Variants in ZNF443 observed in about 807,000 individuals in gnomAD.
ZNF443 encodes the protein zinc finger protein 443, also known as Kruppel-type zinc finger (C2H2).
In ZNF443, 3 loss-of-function variants were observed where a neutral mutation model predicts 12.0. The observed-to-expected ratio is 0.25, with a 90% CI of 0.11 to 0.64. ZNF443 has a LOEUF of 0.64. Ranked by LOEUF, ZNF443 falls within the 30% of genes least tolerant of loss-of-function variation. ZNF443 has a pLI of 0.84. For synonymous variants in ZNF443, 225 were observed against 265.9 expected, an observed-to-expected ratio of 0.85 and a Z score of 1.50; for missense variants, 770 against 808.8, an observed-to-expected ratio of 0.95 and a Z score of 0.58.
chr19:12,432,607 T>C (rs1353945031), intron 2 of ZNF443, among the ~76,000 whole-genome samples, 170 bp from the exon 3 acceptor site: 1 of 141,246 alleles, frequency 7.1e-6, no homozygotes, highest in African/African-American at 2.8e-5. Context: ...CATATATATA[T>C]GAATGTTCTT....
chr19:12,437,704 T>C (rs1046949092), intron 1 of ZNF443, among the ~76,000 whole-genome samples: 2 of 152,180 alleles, frequency 1.3e-5, no homozygotes, highest in African/African-American at 4.8e-5. Context: ...AAAACTATTT[T>C]TTTTATTCTC....
At position 12,430,328 on chromosome 19, in the gene ZNF443, G is replaced by C; in HGVS notation, c.1844C>G (p.Pro615Arg). 1 of 1,613,448 alleles carries C rather than the reference G, an allele frequency of 6.2e-7. No individual in the cohort carries two copies. The highest frequency in any genetic ancestry group is 8.5e-7 in the Non-Finnish European group (1 of 1,179,802). The change falls in exon 4 of 4, where the codon CCG (proline) becomes CGG (arginine). Residue 615 changes from proline (P) to arginine (R), a missense_variant. Around this residue, in one of 3 missense-constraint regions of ZNF443, gnomAD observed 736 missense variants for 689.4 expected, o/e 1.07. Transcript: ENST00000301547. ...TTTCCCACATTCCTTACATTCATAC[G>C]GGTTCTCTCCAGTATGAGTTTTTTC... is the stretch of plus-strand genomic sequence containing the variant. ...GHEKTHTGEN[P>R]YECKECGKAF...
chr19:12,430,655 C>T lies in ZNF443; in HGVS notation c.1517G>A (p.Cys506Tyr). 1.9e-6 allele frequency: 3 copies of T among 1,614,106 alleles called. No individual in the cohort carries two copies. Among genetic ancestry groups the T allele is most frequent in the Non-Finnish European group, 1.7e-6 (2 of 1,179,976 alleles). ...ACTGAATGCTTTCCCACATTCCTTA[C>T]ACTCATATGGCTTCTCTCCAGTGTG... ...TTHTGEKPYE[C>Y]KECGKAFSRF... is the part of the protein sequence containing the mutation. Residue 506 changes from cysteine to tyrosine, a missense_variant, in exon 4 of 4, where the codon TGT becomes TAT. Cys to Tyr is a radical substitution (Grantham distance 194). Coordinates refer to ENST00000301547, the MANE Select transcript of ZNF443 (RefSeq NM_005815.5).
At chr19:12,437,037 GA>G in intron 1 of ZNF443, among the ~76,000 whole-genome samples, 1 of 151,536 alleles carries the variant, frequency 6.6e-6, no homozygotes, top group East Asian at 1.9e-4. Flanking sequence ...ACTTAAAACT[GA>G]AGGTCCATTT....
intron 1 of ZNF443, 42 bp from the exon 2 acceptor site, chr19:12,433,239 A>C: frequency 1.3e-6 from 2 of 1,561,678 alleles, no homozygotes; most frequent in Admixed American, 2.0e-5. Context: ...GGTGAAAATC[A>C]CAGTACTGAG....
At chr19:12,435,785 C>A (rs570190333) in intron 1 of ZNF443, among the ~76,000 whole-genome samples, 3 of 151,646 alleles carry the variant, frequency 2.0e-5, no homozygotes, top group South Asian at 2.1e-4. Flanking sequence ...CACTAAAGAA[C>A]AGAGATGTCA....
chr19:12,430,616 A>C lies in ZNF443; in HGVS notation c.1556T>G (p.Leu519Arg). The C allele has an allele frequency of 6.2e-7, 1 of 1,613,940 alleles. No homozygotes were observed. The highest frequency in any genetic ancestry group is 8.5e-7 in the Non-Finnish European group (1 of 1,179,932). Residue 519 changes from leucine (L) to arginine (R), a missense_variant, in exon 4 of 4, where the codon CTT becomes CGT. Transcript: ENST00000301547. ...TGTGTGAGTCCTTTTATGTCGAGAA[A>C]GGTATCTGAAACGACTGAATGCTTT... ...CGKAFSRFRY[L>R]SRHKRTHTGE...
At chr19:12,435,311 C>G (rs911508949) in intron 1 of ZNF443, among the ~76,000 whole-genome samples, 1 of 151,990 alleles carries the variant, frequency 6.6e-6, no homozygotes, top group Non-Finnish European at 1.5e-5. Context: ...CAATATAACA[C>G]GATCAGGGTC....
In ZNF443 at chr19:12,431,064, A is replaced by G. The variant is rs768039936; in HGVS notation, c.1108T>C (p.Cys370Arg). The change falls in exon 4 of 4, where the codon TGT becomes CGT. Residue 370 changes from cysteine to arginine, a missense_variant. Transcript: ENST00000301547. The stretch of plus-strand genomic sequence containing the variant: ...CTAGGACAATCAAAGCCTTTCCCAC[A>G]TATCTTACATTTATGAGGTCCATTT... ...TGNGPHKCKI[C>R]GKGFDCPSSL... 1 of 1,614,070 alleles carries G rather than the reference A, an allele frequency of 6.2e-7. No individual in the cohort carries two copies. The highest frequency in any genetic ancestry group is 8.5e-7 in the Non-Finnish European group (1 of 1,179,974).
At chr19:12,436,367 C>A (rs574010406) in intron 1 of ZNF443, among the ~76,000 whole-genome samples, 12 of 150,608 alleles carry the variant, frequency 8.0e-5, no homozygotes, top group Admixed American at 2.7e-4. Context: ...GTAATCCCAG[C>A]TACTTGGGAG....
chr19:12,437,705 T>A (rs879921045), intron 1 of ZNF443, among the ~76,000 whole-genome samples: 49 of 152,200 alleles, frequency 3.2e-4, no homozygotes, highest in Non-Finnish European at 4.7e-4. Context: ...AAACTATTTT[T>A]TTTATTCTCT....
chr19:12,430,408 A>G lies in ZNF443; in HGVS notation c.1764T>C (p.Tyr588=), dbSNP rs751706686. 3.2e-6 allele frequency: 5 copies of G among 1,573,736 alleles called. No individual in the cohort carries two copies. Among genetic ancestry groups the G allele is most frequent in the Admixed American group, 1.8e-5 (1 of 56,118 alleles). Residue 588 remains tyrosine, a synonymous_variant, in exon 4 of 4, where the codon TAT becomes TAC. Transcript: ENST00000301547. ...AGGCTTTACCACATTGTGGACATTC[A>G]TAGGATTTCTCTCTCATGTGAATTC... ...HERIHMREKS[Y]ECPQCGKAFT...
Position 12,430,732 on chromosome 19 carries a change from T to G in ZNF443, c.1440A>C (p.Lys480Asn), listed in dbSNP as rs780258149. The G allele has an allele frequency of 9.9e-6, 16 of 1,613,084 alleles. No homozygotes were observed. Among genetic ancestry groups the G allele is most frequent in the Non-Finnish European group, 1.2e-5 (14 of 1,179,392 alleles). The change falls in exon 4 of 4, where the codon AAA (lysine) becomes AAC (asparagine). Residue 480 changes from lysine to asparagine, a missense_variant. Around this residue, in one of 3 missense-constraint regions of ZNF443, gnomAD observed 736 missense variants for 689.4 expected, o/e 1.07. Transcript: ENST00000301547. ...AGAAATCAATACAGGCTTTCCCAAG[T>G]TTGCATTTATAGGGTTTCTCTCCAG... ...THTGEKPYKCKLGKACIDFCS... is the reference protein window; with the variant it reads ...THTGEKPYKCNLGKACIDFCS...
Position 12,431,325 on chromosome 19 carries a change from A to G in ZNF443, c.847T>C (p.Cys283Arg), listed in dbSNP as rs1970251064. The G allele has an allele frequency of 8.7e-6, 14 of 1,614,172 alleles. No individual in the cohort carries two copies. Among genetic ancestry groups the G allele is most frequent in the Non-Finnish European group, 1.2e-5 (14 of 1,179,996 alleles). ...RTHTGEKPYKCKQCSKAFPDS... is the reference protein window; with the variant it reads ...RTHTGEKPYKRKQCSKAFPDS... ...GGGAAGGCTTTAGAACACTGCTTAC[A>G]TTTATATGGTTTCTCCCCAGTATGT... Residue 283 changes from cysteine to arginine, a missense_variant, in exon 4 of 4, where the codon TGT becomes CGT. Transcript: ENST00000301547.
chr19:12,430,608 G>T lies in ZNF443; in HGVS notation c.1564C>A (p.His522Asn), dbSNP rs745456825. The T allele has an allele frequency of 6.2e-7, 1 of 1,613,808 alleles. No individual in the cohort carries two copies. Among genetic ancestry groups the T allele is most frequent in the Non-Finnish European group, 8.5e-7 (1 of 1,179,910 alleles). ...AFSRFRYLSRHKRTHTGEKPY... is the reference protein window; with the variant it reads ...AFSRFRYLSRNKRTHTGEKPY... ...TTCTCTCCTGTGTGAGTCCTTTTAT[G>T]TCGAGAAAGGTATCTGAAACGACTG... The change falls in exon 4 of 4, where the codon CAT becomes AAT. Residue 522 changes from histidine to asparagine, a missense_variant. By Grantham distance (68) the His-to-Asn change is moderately conservative (BLOSUM62 1). Transcript: ENST00000301547.
At chr19:12,438,103 A>G (rs1970332097) in intron 1 of ZNF443, among the ~76,000 whole-genome samples, 2 of 152,202 alleles carry the variant, frequency 1.3e-5, no homozygotes, top group South Asian at 4.1e-4. Flanking sequence ...TCTCAAAAAA[A>G]AAAAAAAAAA....
intron 1 of ZNF443, among the ~76,000 whole-genome samples, chr19:12,435,347 T>C (rs1970298296): frequency 6.6e-6 from 1 of 151,950 alleles, no homozygotes; most frequent in Admixed American, 6.6e-5. Flanking sequence ...TGCATGAAAA[T>C]GTTGCAAAAT....
chr19:12,434,172 T>A (rs1970285768), intron 1 of ZNF443, among the ~76,000 whole-genome samples: 3 of 152,290 alleles, frequency 2.0e-5, no homozygotes, highest in Middle Eastern at 3.4e-3. Context: ...TGTTATGAAT[T>A]ACAAGAAACA....
intron 2 of ZNF443, among the ~76,000 whole-genome samples, chr19:12,432,708 G>A (rs1970270184): frequency 7.2e-6 from 1 of 139,302 alleles, no homozygotes; most frequent in Admixed American, 7.2e-5. Flanking sequence ...CCTTTCCGAG[G>A]ATGCACTTCC....
Sources: allele counts gnomAD v4.1 joint callset (sites outside exome capture counted in the v4.1 genomes callset), GRCh38; gene constraint gnomAD v4.1.1; regional missense constraint gnomAD v4.1.1; transcripts MANE v1.5; gene names NCBI Gene and HGNC (gene_info 2026-07-23, HGNC 2026-07-21).